Variants in ESRRG observed in about 807,000 individuals in gnomAD.
The protein encoded by ESRRG is estrogen-related receptor gamma.
Under a neutral mutation model 44.0 loss-of-function variants are expected in ESRRG, and 13 were observed. The observed-to-expected ratio is 0.30, with a 90% CI of 0.19 to 0.47. ESRRG has a LOEUF of 0.47. ESRRG is among the 20% of genes least tolerant of loss of function. ESRRG has a pLI of 1.00. For synonymous variants in ESRRG, 215 were observed against 214.6 expected, an observed-to-expected ratio of 1.00 and a Z score of -0.02; for missense variants, 395 against 580.6, an observed-to-expected ratio of 0.68 and a Z score of 3.29.
At chr1:216,895,466 G>A (rs2058313616) in intron 2 of ESRRG, among the ~76,000 whole-genome samples, 1 of 152,126 alleles carries the variant, frequency 6.6e-6, no homozygotes, top group Admixed American at 6.5e-5. Flanking sequence ...TGGAAAAACA[G>A]GGTAGTCAGT....
At chr1:217,060,937 T>G (rs2088300241) in intron 1 of ESRRG, among the ~76,000 whole-genome samples, 1 of 152,092 alleles carries the variant, frequency 6.6e-6, no homozygotes, top group African/African-American at 2.4e-5. Context: ...TAGAAATAAC[T>G]ACTTTATATC....
At chr1:217,023,762 A>C (rs2080741706) in intron 1 of ESRRG, among the ~76,000 whole-genome samples, 2 of 152,058 alleles carry the variant, frequency 1.3e-5, no homozygotes, top group Admixed American at 1.3e-4. Context: ...TTGCCCCAAA[A>C]ACTAAAGGTT....
At chr1:216,872,130 C>T (rs1284272548) in intron 2 of ESRRG, among the ~76,000 whole-genome samples, 2 of 152,086 alleles carry the variant, frequency 1.3e-5, no homozygotes, top group African/African-American at 4.8e-5. Flanking sequence ...GTGTCACTTC[C>T]TTCTACCCTC....
At chr1:216,521,681 C>A (rs1354820153) in intron 5 of ESRRG, among the ~76,000 whole-genome samples, 4 of 152,072 alleles carry the variant, frequency 2.6e-5, no homozygotes, top group South Asian at 2.1e-4. Context: ...CATCTTTCTG[C>A]CGAATAATTA....
intron 2 of ESRRG, among the ~76,000 whole-genome samples, chr1:216,906,957 T>A (rs1407771328): frequency 6.6e-6 from 1 of 152,258 alleles, no homozygotes; most frequent in Non-Finnish European, 1.5e-5. Flanking sequence ...TATTGATAAC[T>A]GTCTGCACAT....
At chr1:216,910,671 G>A (rs80330406) in intron 2 of ESRRG, among the ~76,000 whole-genome samples, 324 of 152,290 alleles carry the variant, frequency 2.1e-3, no homozygotes, top group African/African-American at 7.4e-3. Flanking sequence ...AAATGGGGCC[G>A]ACAATGCTTT....
At chr1:216,740,696 A>C (rs1311970704) in intron 2 of ESRRG, among the ~76,000 whole-genome samples, 1 of 152,068 alleles carries the variant, frequency 6.6e-6, no homozygotes, top group Admixed American at 6.5e-5. Context: ...ATGCTTGTGG[A>C]GAAATAATGC....
chr1:216,561,600 T>C (rs1349309846), intron 5 of ESRRG, among the ~76,000 whole-genome samples: 1 of 152,142 alleles, frequency 6.6e-6, no homozygotes, highest in African/African-American at 2.4e-5. Context: ...TGTAGTGTGG[T>C]CCTCTACTGA....
chr1:216,850,155 A>T (rs1173867155), intron 2 of ESRRG, among the ~76,000 whole-genome samples: 2 of 152,148 alleles, frequency 1.3e-5, no homozygotes, highest in Non-Finnish European at 2.9e-5. Context: ...TTTAAAATGT[A>T]GATAGCCAAA....
At chr1:216,601,935 C>G (rs1204390723) in intron 3 of ESRRG, among the ~76,000 whole-genome samples, 1 of 152,152 alleles carries the variant, frequency 6.6e-6, no homozygotes, top group African/African-American at 2.4e-5. Context: ...CCGATAGGGC[C>G]TTTGGGAGCG....
intron 1 of ESRRG, among the ~76,000 whole-genome samples, chr1:217,036,599 T>G (rs1356721143): frequency 6.6e-6 from 1 of 151,898 alleles, no homozygotes; most frequent in African/African-American, 2.4e-5. Context: ...CACTTACAAG[T>G]GGGAGCTAAA....
rs11572714 is a variant in ESRRG, at chr1:216,650,528, G to A, written c.589+445C>T. Among the ~76,000 whole-genome samples the A allele has an allele frequency of 3.1e-3, 464 of 152,066 alleles. 2 individuals carry two copies. The highest frequency in any genetic ancestry group is 0.01 in the African/African-American group (417 of 41,486). Reference sequence around the variant, plus strand: ...AAGCAATTTTAATATCATATTTTAAGTTCTTTGTAATAGAAAATAAAGTCT... The same window carrying A: ...AAGCAATTTTAATATCATATTTTAAATTCTTTGTAATAGAAAATAAAGTCT... On this transcript the variant is annotated intron_variant, in intron 3 of 6. Transcript: ENST00000408911.
intron 6 of ESRRG, among the ~76,000 whole-genome samples, chr1:216,514,272 G>A (rs952436824): frequency 8.6e-5 from 13 of 151,990 alleles, no homozygotes; most frequent in African/African-American, 2.9e-4. Flanking sequence ...AAATAATCCA[G>A]TAAAGGCAGC....
At chr1:217,053,725 C>T (rs528990261) in intron 1 of ESRRG, among the ~76,000 whole-genome samples, 37 of 152,110 alleles carry the variant, frequency 2.4e-4, no homozygotes, top group African/African-American at 8.4e-4. Context: ...TTGTTTTTTA[C>T]CCTGATAGTG....
At chr1:216,961,126 G>A (rs574511012) in intron 1 of ESRRG, among the ~76,000 whole-genome samples, 1 of 152,212 alleles carries the variant, frequency 6.6e-6, no homozygotes, top group South Asian at 2.1e-4. Flanking sequence ...GTTGCCAGAT[G>A]GTAACTTGGA....
intron 2 of ESRRG, among the ~76,000 whole-genome samples, chr1:216,808,205 A>G (rs965985169): frequency 6.6e-6 from 1 of 152,110 alleles, no homozygotes; most frequent in African/African-American, 2.4e-5. Flanking sequence ...TCGTGCTGAT[A>G]AGAAAATGTA....
intron 1 of ESRRG, among the ~76,000 whole-genome samples, chr1:216,970,507 G>T (rs917446545): frequency 3.3e-5 from 5 of 152,248 alleles, no homozygotes; most frequent in African/African-American, 1.2e-4. Context: ...CCTTGACAAG[G>T]TTCTTCAATT....
At chr1:216,911,904 T>C (rs2060348724) in intron 2 of ESRRG, among the ~76,000 whole-genome samples, 1 of 151,670 alleles carries the variant, frequency 6.6e-6, no homozygotes, top group Non-Finnish European at 1.5e-5. Context: ...ACCCTGACTC[T>C]ATTAAAAACA....
At chr1:216,916,824 C>A (rs2061224662) in intron 2 of ESRRG, among the ~76,000 whole-genome samples, 1 of 118,628 alleles carries the variant, frequency 8.4e-6, no homozygotes, top group Non-Finnish European at 1.6e-5. Flanking sequence ...AAATTCCACT[C>A]AGCTTTGGTC....
Sources: gnomAD v4.1 joint callset for allele counts (sites outside exome capture counted in the v4.1 genomes callset) on GRCh38, gnomAD v4.1.1 for gene constraint, MANE v1.5 for transcripts, NCBI Gene and HGNC (gene_info 2026-07-23, HGNC 2026-07-21) for gene names.